KANSL1L: variants seen among roughly 807,000 people sequenced by gnomAD.
KANSL1L encodes the protein KAT8 regulatory NSL complex subunit 1 like.
In KANSL1L, 25 loss-of-function variants were observed where a neutral mutation model predicts 108.6. The ratio of observed to expected loss-of-function variants is 0.23; its 90% CI spans 0.17 to 0.32. The LOEUF is 0.32. Ranked by LOEUF, KANSL1L falls within the 10% of genes least tolerant of loss-of-function variation. The pLI is 1.00. For synonymous variants in KANSL1L, 405 were observed against 395.1 expected (o/e 1.03, Z -0.30); for missense variants, 1,137 against 1,125.7 (o/e 1.01, Z -0.14).
chr2:210,089,878 G>A (rs950821046), intron 5 of KANSL1L, among the ~76,000 whole-genome samples: 5 of 151,982 alleles, frequency 3.3e-5, no homozygotes, highest in South Asian at 2.1e-4. Flanking sequence ...AAGAGATGAC[G>A]GAAAAATAGT....
chr2:210,162,227 T>TAC (rs1007358560), intron 1 of KANSL1L, among the ~76,000 whole-genome samples: 20 of 141,404 alleles, frequency 1.4e-4, no homozygotes, highest in African/African-American at 4.9e-4. Flanking sequence ...TTCAGGTATA[T>TAC]ATATATATAT....
intron 3 of KANSL1L, among the ~76,000 whole-genome samples, chr2:210,110,478 C>A (rs1218446309): frequency 3.3e-5 from 5 of 152,038 alleles, no homozygotes; most frequent in African/African-American, 1.2e-4. Context: ...TTGAAAATGA[C>A]CTAATTAGAA....
intron 1 of KANSL1L, among the ~76,000 whole-genome samples, chr2:210,168,617 T>C (rs1688133199): frequency 6.6e-6 from 1 of 152,056 alleles, no homozygotes. Context: ...TAATCTAAGG[T>C]ATCATGATAA....
In KANSL1L at chr2:210,153,907, G is replaced by T; in HGVS notation, c.676C>A (p.His226Asn). 6.2e-7 allele frequency: 1 copy of T among 1,613,242 alleles called. No individual in the cohort carries two copies. The highest frequency in any genetic ancestry group is 1.1e-5 in the South Asian group (1 of 90,922). ...AAAATTTTCTGTTTGCTTACACAAT[G>T]AAGTAAACGAGCATGTACTTCCTCC... is the stretch of plus-strand genomic sequence containing the variant. ...KEEEVHARLL[H>N]CVSKQKILLS... The change falls in exon 2 of 15, where the codon CAT becomes AAT. Residue 226 changes from histidine to asparagine, a missense_variant. Transcript: ENST00000281772.
intron 13 of KANSL1L, among the ~76,000 whole-genome samples, chr2:210,024,807 A>T (rs1016655315): frequency 6.6e-6 from 1 of 152,220 alleles, no homozygotes; most frequent in Admixed American, 6.5e-5. Flanking sequence ...ATTAAAGTAG[A>T]TTGAAATGAC....
chr2:210,137,459 C>T (rs1310145289), intron 2 of KANSL1L, among the ~76,000 whole-genome samples: 1 of 152,200 alleles, frequency 6.6e-6, no homozygotes, highest in Non-Finnish European at 1.5e-5. Flanking sequence ...ATTATATTGA[C>T]ATCATTCCCC....
At chr2:210,167,552 T>G (rs1403201205) in intron 1 of KANSL1L, among the ~76,000 whole-genome samples, 1 of 152,038 alleles carries the variant, frequency 6.6e-6, no homozygotes, top group Non-Finnish European at 1.5e-5. Flanking sequence ...ATTTGCTCAG[T>G]CTATATACTT....
At chr2:210,164,692 C>T (rs746629415) in intron 1 of KANSL1L, among the ~76,000 whole-genome samples, 5 of 151,902 alleles carry the variant, frequency 3.3e-5, no homozygotes, top group South Asian at 2.1e-4. Context: ...AAATATCAAA[C>T]TTACAGAATT....
rs368849768 is a variant in KANSL1L at position 210,052,204 on chromosome 2, A to G, written c.1756-8100T>C. 1.8e-4 allele frequency among the ~76,000 whole-genome samples: 27 copies of G among 151,822 alleles called. No homozygotes were observed. The South Asian group carries it at 2.9e-3, about 16-fold the overall frequency. Reference sequence around the variant, plus strand: ...TTTTCTGTAGAGACAGTATCTCACTATGTTGCCTAGGCTGGTTTTAACTCC... The same window carrying G: ...TTTTCTGTAGAGACAGTATCTCACTGTGTTGCCTAGGCTGGTTTTAACTCC... On this transcript the variant is annotated intron_variant, in intron 6 of 14. Coordinates refer to ENST00000281772, the MANE Select transcript of KANSL1L (RefSeq NM_152519.4).
intron 7 of KANSL1L, among the ~76,000 whole-genome samples, chr2:210,043,028 T>C (rs576231210): frequency 2.0e-5 from 3 of 152,280 alleles, no homozygotes; most frequent in African/African-American, 7.2e-5. Flanking sequence ...ATGTGAGGGA[T>C]GTTTTCTTTC....
Position 210,031,454 on chromosome 2 carries a change from T to C in KANSL1L, c.2122A>G (p.Arg708Gly). ...SESSAQLLQGRKKRHLSETAL... is the reference protein window; with the variant it reads ...SESSAQLLQGGKKRHLSETAL... ...GTTTCACTCAAATGTCTTTTCTTTC[T>C]TCCCTGTAACAGTTGTGCAGAAGAT... Residue 708 changes from arginine (R) to glycine (G), a missense_variant, in exon 9 of 15, where the codon AGA (arginine) becomes GGA (glycine). Coordinates refer to ENST00000281772, the MANE Select transcript of KANSL1L (RefSeq NM_152519.4). The C allele has an allele frequency of 6.2e-7, 1 of 1,601,710 alleles. No individual in the cohort carries two copies. Among genetic ancestry groups the C allele is most frequent in the Non-Finnish European group, 8.5e-7 (1 of 1,170,062 alleles).
At chr2:210,124,556 T>A (rs535703502) in intron 3 of KANSL1L, among the ~76,000 whole-genome samples, 1 of 149,636 alleles carries the variant, frequency 6.7e-6, no homozygotes, top group South Asian at 2.1e-4. Context: ...ACAAAAAAGA[T>A]CTCGAAATAA....
At chr2:210,034,829 T>A (rs940962877) in intron 8 of KANSL1L, among the ~76,000 whole-genome samples, 7 of 152,214 alleles carry the variant, frequency 4.6e-5, no homozygotes, top group African/African-American at 1.7e-4. Flanking sequence ...TTGTTCCTCC[T>A]CTTCCATCTA....
chr2:210,023,234 C>T (rs1305398767), intron 14 of KANSL1L, 55 bp from the exon 15 acceptor site: 8 of 1,248,658 alleles, frequency 6.4e-6, no homozygotes, highest in Non-Finnish European at 9.4e-6. Flanking sequence ...TGTTTAAATT[C>T]ATCTAACAAG....
At chr2:210,030,547 GTGTGTGTAGTAAATATATATA>G (rs747296745) in intron 9 of KANSL1L, among the ~76,000 whole-genome samples, 1 of 145,090 alleles carries the variant, frequency 6.9e-6, no homozygotes, top group Non-Finnish European at 1.5e-5. Context: ...GTGTGTGTGT[GTGTGTGTAGTAAATATATATA>G]TGTATGCGTT....
intron 8 of KANSL1L, among the ~76,000 whole-genome samples, chr2:210,033,905 T>C (rs575605747): frequency 1.3e-5 from 2 of 152,256 alleles, no homozygotes; most frequent in East Asian, 3.9e-4. Context: ...TCTAATTCGT[T>C]ACTGTCTTGT....
intron 3 of KANSL1L, among the ~76,000 whole-genome samples, chr2:210,109,093 T>G (rs904427111): frequency 6.6e-6 from 1 of 152,124 alleles, no homozygotes; most frequent in Non-Finnish European, 1.5e-5. Flanking sequence ...GAGATGTCAC[T>G]TTCTTCTCTT....
At chr2:210,035,993 T>C (rs1402083262) in intron 8 of KANSL1L, among the ~76,000 whole-genome samples, 1 of 152,200 alleles carries the variant, frequency 6.6e-6, no homozygotes, top group African/African-American at 2.4e-5. Context: ...CTTGCTTACA[T>C]TTTAAAGTTT....
At chr2:210,099,807 C>A (rs559602908) in intron 4 of KANSL1L, among the ~76,000 whole-genome samples, 33 of 152,112 alleles carry the variant, frequency 2.2e-4, no homozygotes, top group Middle Eastern at 6.8e-3. Flanking sequence ...CCTATTCTGG[C>A]CCCATAAAAT....
Sources: allele counts gnomAD v4.1 joint callset (sites outside exome capture counted in the v4.1 genomes callset), GRCh38; gene constraint gnomAD v4.1.1; transcripts MANE v1.5; gene names NCBI Gene and HGNC (gene_info 2026-07-23, HGNC 2026-07-21).